The following ANKRD6 variants were observed in gnomAD, a reference collection of about 807,000 sequenced individuals.
ANKRD6 encodes the protein ankyrin repeat domain-containing protein 6.
ANKRD6 carries 56 observed loss-of-function variants against 82.3 expected under a neutral mutation model. The ratio of observed to expected loss-of-function variants is 0.68; its 90% confidence interval spans 0.55 to 0.85. The LOEUF is 0.85. Ranked by LOEUF, ANKRD6 falls within the 40% of genes least tolerant of loss-of-function variation. ANKRD6 has a pLI of 0.00. For synonymous variants in ANKRD6, 347 were observed against 352.1 expected (o/e 0.99, Z 0.16); for missense variants, 852 against 907.6 (o/e 0.94, Z 0.79).
intron 1 of ANKRD6, among the ~76,000 whole-genome samples, chr6:89,539,394 A>G (rs1784210203): frequency 1.3e-5 from 2 of 152,142 alleles, no homozygotes; most frequent in African/African-American, 4.8e-5. Context: ...TCCTTAACCC[A>G]GTTTAGGATT....
intron 1 of ANKRD6, among the ~76,000 whole-genome samples, chr6:89,516,843 C>T (rs575140034): frequency 9.8e-4 from 149 of 152,132 alleles, no homozygotes; most frequent in African/African-American, 3.5e-3. Context: ...CTCTGGAGGA[C>T]CCCAATAACA....
chr6:89,606,852 C>T (rs1463535989), intron 5 of ANKRD6, among the ~76,000 whole-genome samples: 3 of 115,528 alleles, frequency 2.6e-5, no homozygotes, highest in Non-Finnish European at 3.5e-5. Context: ...GAGAGACTGT[C>T]GTGGGGGCAG....
intron 1 of ANKRD6, among the ~76,000 whole-genome samples, chr6:89,503,793 C>G (rs1195248141): frequency 6.6e-6 from 1 of 152,084 alleles, no homozygotes; most frequent in Non-Finnish European, 1.5e-5. Context: ...AAGGGAGAAG[C>G]CTGTTTCACT....
chr6:89,561,913 C>T (rs746535646), intron 1 of ANKRD6, among the ~76,000 whole-genome samples: 1 of 152,170 alleles, frequency 6.6e-6, no homozygotes, highest in Non-Finnish European at 1.5e-5. Flanking sequence ...GCAGTCCATT[C>T]CATTGCCCCA....
chr6:89,438,653 T>C (rs1006086712), intron 1 of ANKRD6, among the ~76,000 whole-genome samples: 3 of 151,176 alleles, frequency 2.0e-5, no homozygotes, highest in African/African-American at 7.3e-5. Flanking sequence ...ATTTCTAACT[T>C]TTTTTTTTAG....
intron 1 of ANKRD6, among the ~76,000 whole-genome samples, chr6:89,439,948 T>C (rs547147543): frequency 6.3e-4 from 96 of 152,222 alleles, no homozygotes; most frequent in African/African-American, 2.2e-3. Context: ...CTGCCCACCT[T>C]GGCCTCCCAA....
At chr6:89,484,219 T>C (rs1490468759) in intron 1 of ANKRD6, among the ~76,000 whole-genome samples, 1 of 152,176 alleles carries the variant, frequency 6.6e-6, no homozygotes, top group African/African-American at 2.4e-5. Flanking sequence ...AGAATGAATA[T>C]TTTGAAGTGT....
At chr6:89,619,938 A>G (rs986518745) in intron 9 of ANKRD6, 11 of 152,220 alleles carry the variant, frequency 7.2e-5, no homozygotes, top group South Asian at 2.1e-4. Context: ...TGCAACCTCC[A>G]TCTCTGGGGT....
intron 1 of ANKRD6, among the ~76,000 whole-genome samples, chr6:89,537,292 C>T (rs1783953859): frequency 6.6e-6 from 1 of 151,848 alleles, no homozygotes; most frequent in Non-Finnish European, 1.5e-5. Flanking sequence ...CAAGGAAAGC[C>T]CCATTGCAGA....
At chr6:89,555,599 T>G (rs1304560909) in intron 1 of ANKRD6, among the ~76,000 whole-genome samples, 1 of 152,108 alleles carries the variant, frequency 6.6e-6, no homozygotes, top group Non-Finnish European at 1.5e-5. Context: ...ATCAGGTATC[T>G]TTGAAGTCTA....
chr6:89,588,363 C>T (rs577096076), intron 2 of ANKRD6, among the ~76,000 whole-genome samples: 71 of 152,180 alleles, frequency 4.7e-4, no homozygotes, highest in African/African-American at 1.6e-3. Context: ...TCTCTTAATG[C>T]GACAGATAAT....
intron 11 of ANKRD6, 130 bp from the exon 12 acceptor site, chr6:89,623,742 G>A: frequency 1.6e-6 from 2 of 1,246,354 alleles, no homozygotes; most frequent in Non-Finnish European, 2.2e-6. Flanking sequence ...TGTGTGGCTT[G>A]GAGTAGGACA....
chr6:89,465,104 C>G (rs1022135396), intron 1 of ANKRD6, among the ~76,000 whole-genome samples: 1 of 151,550 alleles, frequency 6.6e-6, no homozygotes, highest in African/African-American at 2.4e-5. Flanking sequence ...TATAGATTTT[C>G]TGACACATTG....
intron 1 of ANKRD6, among the ~76,000 whole-genome samples, chr6:89,530,516 C>A (rs958189546): frequency 2.0e-5 from 3 of 152,030 alleles, no homozygotes; most frequent in Non-Finnish European, 4.4e-5. Flanking sequence ...CTGTGGTGAC[C>A]TTAAGTGAGT....
At chr6:89,437,407 A>G (rs854874) in intron 1 of ANKRD6, among the ~76,000 whole-genome samples, 25,855 of 152,148 alleles carry the variant, frequency 0.17, 2,709 homozygotes, top group Non-Finnish European at 0.23. Flanking sequence ...GAAGTCCCAG[A>G]ATGAACATCT....
Position 89,627,441 on chromosome 6 carries a change from A to T in ANKRD6, c.1372-142A>T, listed in dbSNP as rs371664002. On this transcript the variant is annotated intron_variant, in intron 13 of 15. Transcript: ENST00000339746. ...TCTGAAAGAGTTCCATGAGTCCTACATGCAAATGGAATCAGATAAGGGGTT... is the reference window on the plus strand; with the variant it reads ...TCTGAAAGAGTTCCATGAGTCCTACTTGCAAATGGAATCAGATAAGGGGTT... 4 of 616,786 alleles carry T rather than the reference A, an allele frequency of 6.5e-6. No homozygotes were observed. In the East Asian group the frequency reaches 8.4e-5, roughly 13 times the overall value. The allele number at this position is 616,786 out of a possible 1,614,324, so 38.2% of individuals were successfully genotyped here.
At chr6:89,531,218 T>C (rs367751340) in intron 1 of ANKRD6, among the ~76,000 whole-genome samples, 7 of 152,348 alleles carry the variant, frequency 4.6e-5, no homozygotes, top group Admixed American at 3.3e-4. Context: ...ATCTGTTCTT[T>C]CTCTTAGCTC....
chr6:89,456,521 CCAGT>C (rs1345983599), intron 1 of ANKRD6, among the ~76,000 whole-genome samples: 1 of 152,162 alleles, frequency 6.6e-6, no homozygotes, highest in Non-Finnish European at 1.5e-5. Context: ...CTTGGTGTCT[CCAGT>C]CAGACTGGGT....
At chr6:89,595,396 A>G (rs1408058939) in intron 2 of ANKRD6, among the ~76,000 whole-genome samples, 2 of 152,054 alleles carry the variant, frequency 1.3e-5, no homozygotes, top group Non-Finnish European at 2.9e-5. Flanking sequence ...GCTGCACTGC[A>G]GTCTGGGTGA....
Sources: gnomAD v4.1 joint callset for allele counts (sites outside exome capture counted in the v4.1 genomes callset) on GRCh38, gnomAD v4.1.1 for gene constraint, MANE v1.5 for transcripts, NCBI Gene and HGNC (gene_info 2026-07-23, HGNC 2026-07-21) for gene names.